The following AK2 variants were observed in gnomAD, a reference collection of about 807,000 sequenced individuals.
AK2 encodes the protein adenylate kinase 2, mitochondrial.
In AK2, 15 loss-of-function variants were observed where a neutral mutation model predicts 24.6. The ratio of observed to expected loss-of-function variants is 0.61; its 90% CI spans 0.41 to 0.94. AK2 has a LOEUF of 0.94. Ranked by LOEUF, AK2 falls within the 40% of genes least tolerant of loss-of-function variation. AK2 has a pLI of 0.00. For synonymous variants in AK2, 102 were observed against 114.0 expected, an observed-to-expected ratio of 0.90 and a Z score of 0.67; for missense variants, 257 against 304.1, an observed-to-expected ratio of 0.85 and a Z score of 1.15.
At chr1:33,014,165 C>T (rs1018115700) in intron 5 of AK2, among the ~76,000 whole-genome samples, 1 of 152,188 alleles carries the variant, frequency 6.6e-6, no homozygotes, top group African/African-American at 2.4e-5. Context: ...TTCAGTGCCA[C>T]ACTCTTCCCA....
rs147184224 is a variant in AK2 at position 33,033,055 on chromosome 1, C to T, written c.93+3681G>A. Among the ~76,000 whole-genome samples, 214 of 151,268 alleles carry T rather than the reference C, an allele frequency of 1.4e-3. 2 individuals carry two copies. Among genetic ancestry groups the T allele is most frequent in the African/African-American group, 4.8e-3 (196 of 41,228 alleles). Reference sequence around the variant, plus strand: ...GCAGGCACCTGTAGTCCCAGCTACTCGGGAGACTGAGGCAGAATGGCGTGA... The same window carrying T: ...GCAGGCACCTGTAGTCCCAGCTACTTGGGAGACTGAGGCAGAATGGCGTGA... On this transcript the variant is annotated intron_variant, in intron 1 of 5. Coordinates refer to ENST00000672715, the MANE Select transcript of AK2 (RefSeq NM_001625.4).
intron 1 of AK2, 117 bp from the exon 2 acceptor site, chr1:33,024,684 T>A: frequency 7.9e-7 from 1 of 1,263,022 alleles, no homozygotes; most frequent in Non-Finnish European, 1.1e-6. Context: ...GGCAAATGCC[T>A]ACTTCCTTAC....
Position 33,012,617 on chromosome 1 carries a change from C to T in AK2, c.*564G>A. On this transcript the variant is annotated 3_prime_UTR_variant, in exon 6 of 6. Coordinates refer to ENST00000672715, the MANE Select transcript of AK2 (RefSeq NM_001625.4). ...ATGGTTAAAGAAGTAAACAGCTGGG[C>T]TGGGTGTAGTGGCTCACGTCTGTGA... 7.8e-7 allele frequency: 1 copy of T among 1,289,990 alleles called. No homozygotes were observed. Among genetic ancestry groups the T allele is most frequent in the Non-Finnish European group, 1.0e-6 (1 of 990,742 alleles). The allele number at this position is 1,289,990 out of a possible 1,614,324, so 79.9% of individuals were successfully genotyped here.
chr1:33,024,686 C>T, intron 1 of AK2, 119 bp from the exon 2 acceptor site: 1 of 1,230,358 alleles, frequency 8.1e-7, no homozygotes, highest in South Asian at 1.3e-5. Flanking sequence ...CAAATGCCTA[C>T]TTCCTTACCT....
intron 1 of AK2, among the ~76,000 whole-genome samples, chr1:33,033,917 A>T (rs1265956109): frequency 6.6e-6 from 1 of 152,080 alleles, no homozygotes; most frequent in Non-Finnish European, 1.5e-5. Context: ...TCTGTTGCCC[A>T]GGCTGGGGCG....
At chr1:33,035,008 T>A (rs1399710031) in intron 1 of AK2, among the ~76,000 whole-genome samples, 2 of 151,790 alleles carry the variant, frequency 1.3e-5, no homozygotes, top group Non-Finnish European at 2.9e-5. Flanking sequence ...GGCAACAGAG[T>A]GAGACCCTGT....
At position 33,012,091 on chromosome 1, in the gene AK2, G is replaced by A. The variant is rs1266288249; in HGVS notation, c.*1090C>T. ...AAACCTACCCTGGTCTCTTTTTGGG[G>A]AAGTAGATTTGACTGCTCTCAGATG... On this transcript the variant is annotated 3_prime_UTR_variant, in exon 6 of 6. Coordinates refer to ENST00000672715, the MANE Select transcript of AK2 (RefSeq NM_001625.4). 6.5e-7 allele frequency: 1 copy of A among 1,535,450 alleles called. No homozygotes were observed. Among genetic ancestry groups the A allele is most frequent in the Non-Finnish European group, 8.7e-7 (1 of 1,146,724 alleles).
At chr1:33,024,070 C>G (rs1639716226) in intron 2 of AK2, 1 of 278,990 alleles carries the variant, frequency 3.6e-6, no homozygotes, top group South Asian at 3.4e-5. Context: ...ACTCGGGAGG[C>G]TGAGGTACAA....
At chr1:33,033,968 G>A (rs530369055) in intron 1 of AK2, among the ~76,000 whole-genome samples, 4 of 152,164 alleles carry the variant, frequency 2.6e-5, no homozygotes, top group South Asian at 4.1e-4. Context: ...CTGCCTCCAA[G>A]GCTCAAGTGA....
intron 4 of AK2, chr1:33,019,779 A>G (rs1639416671): frequency 9.4e-7 from 1 of 1,064,726 alleles, no homozygotes. Flanking sequence ...ATGCATTATG[A>G]TGGCCATAGT....
chr1:33,008,555 G>A lies in AK2; in HGVS notation c.*4626C>T, dbSNP rs748227866. 7 of 453,934 alleles carry A rather than the reference G, an allele frequency of 1.5e-5. No homozygotes were observed. Among genetic ancestry groups the A allele is most frequent in the South Asian group, 6.2e-5 (4 of 64,480 alleles). 28.1% of individuals were successfully genotyped at this position (453,934 alleles called of 1,614,324 possible). Reference sequence around the variant, plus strand: ...CAGCCCTTCCTGTGTGCAGAGCTACGCAAGTAATTAAATCACTTCAGCAAC... The same window carrying A: ...CAGCCCTTCCTGTGTGCAGAGCTACACAAGTAATTAAATCACTTCAGCAAC... On this transcript the variant is annotated 3_prime_UTR_variant, in exon 6 of 6. Coordinates refer to ENST00000672715, the MANE Select transcript of AK2 (RefSeq NM_001625.4).
intron 1 of AK2, chr1:33,032,465 C>G (rs549934180): frequency 6.6e-6 from 1 of 152,328 alleles, no homozygotes; most frequent in South Asian, 2.1e-4. Flanking sequence ...AAGCATTTAT[C>G]CTGACTTTTC....
intron 4 of AK2, among the ~76,000 whole-genome samples, chr1:33,014,842 T>C (rs1002679025): frequency 6.6e-6 from 1 of 152,240 alleles, no homozygotes; most frequent in African/African-American, 2.4e-5. Context: ...CATAACTACC[T>C]AATTCAGGAC....
intron 1 of AK2, among the ~76,000 whole-genome samples, chr1:33,026,181 G>A (rs1639867296): frequency 1.3e-5 from 2 of 152,146 alleles, no homozygotes; most frequent in Admixed American, 1.3e-4. Flanking sequence ...TCAGTTCACT[G>A]GGAGTTTTCT....
Position 33,013,127 on chromosome 1 carries a change from A to G in AK2, c.*54T>C. The G allele has an allele frequency of 6.2e-7, 1 of 1,613,842 alleles. No individual in the cohort carries two copies. The highest frequency in any genetic ancestry group is 8.5e-7 in the Non-Finnish European group (1 of 1,180,026). Reference sequence around the variant, plus strand: ...GAAGCTTCTCTTTGCCTGTCCTATCATTCCCACCCATTGCCTCACAGGGAT... The same window carrying G: ...GAAGCTTCTCTTTGCCTGTCCTATCGTTCCCACCCATTGCCTCACAGGGAT... On this transcript the variant is annotated 3_prime_UTR_variant, in exon 6 of 6. Transcript: ENST00000672715.
At chr1:33,030,392 AT>A (rs113764416) in intron 1 of AK2, among the ~76,000 whole-genome samples, 57 of 147,452 alleles carry the variant, frequency 3.9e-4, no homozygotes, top group African/African-American at 1.0e-3. Context: ...CCATTTCTAC[AT>A]TTTTTTTTTT....
rs1170252226 is a variant in AK2, at chr1:33,012,437, G to C, written c.*744C>G. On this transcript the variant is annotated 3_prime_UTR_variant, in exon 6 of 6. Transcript: ENST00000672715. ...CAAAATGGAATTCTCTGTCCATAAT[G>C]TGCCATCAGGAACTGTGACCCTGCC... The C allele has an allele frequency of 6.9e-7, 1 of 1,456,760 alleles. No individual in the cohort carries two copies. The highest frequency in any genetic ancestry group is 2.1e-5 in the Admixed American group (1 of 48,656). 90.2% of individuals were successfully genotyped at this position (1,456,760 alleles called of 1,614,324 possible).
chr1:33,008,340 C>T lies in AK2; in HGVS notation c.*4841G>A. ...TCTGTCTTCTGACTCGTTGCTCTGT[C>T]TTCATCTGAGGAAAGACTTGTGAGG... On this transcript the variant is annotated 3_prime_UTR_variant, in exon 6 of 6. Transcript: ENST00000672715. 2.2e-6 allele frequency: 1 copy of T among 454,096 alleles called. No homozygotes were observed. The highest frequency in any genetic ancestry group is 4.4e-6 in the Non-Finnish European group (1 of 226,768). 28.1% of individuals were successfully genotyped at this position (454,096 alleles called of 1,614,324 possible).
chr1:33,035,142 A>G (rs1327510348), intron 1 of AK2, among the ~76,000 whole-genome samples: 1 of 152,242 alleles, frequency 6.6e-6, no homozygotes, highest in Non-Finnish European at 1.5e-5. Flanking sequence ...AGATTACCCA[A>G]TAAATGAGTG....
Sources: gnomAD v4.1 joint callset for allele counts (sites outside exome capture counted in the v4.1 genomes callset) on GRCh38, gnomAD v4.1.1 for gene constraint, MANE v1.5 for transcripts, NCBI Gene and HGNC (gene_info 2026-07-23, HGNC 2026-07-21) for gene names.